MTUS2: variants seen among roughly 807,000 people sequenced by gnomAD.
The protein encoded by MTUS2 is microtubule associated scaffold protein 2, also known as microtubule-associated tumor suppressor candidate 2.
MTUS2 carries 40 observed loss-of-function variants against 114.1 expected under a neutral mutation model. That is an observed-to-expected ratio of 0.35 (90% confidence interval 0.27 to 0.46). MTUS2 has a LOEUF of 0.46. Among genes scored for constraint, MTUS2 ranks in the 20% least tolerant of loss-of-function variants. MTUS2 has a pLI of 1.00. For missense variants in MTUS2, 1,679 were observed against 1,705.4 expected (o/e 0.98, Z 0.27); for synonymous variants, 688 against 672.0 (o/e 1.02, Z -0.37).
chr13:28,833,143 T>C (rs1035670526), intron 1 of MTUS2, among the ~76,000 whole-genome samples: 11 of 152,246 alleles, frequency 7.2e-5, no homozygotes, highest in African/African-American at 2.4e-4. Context: ...CAAATGTTTA[T>C]TTAAAGAATT....
At chr13:28,851,507 G>T (rs1400797809) in intron 2 of MTUS2, among the ~76,000 whole-genome samples, 1 of 152,208 alleles carries the variant, frequency 6.6e-6, no homozygotes, top group Non-Finnish European at 1.5e-5. Context: ...GCACTATGCA[G>T]ATGTCAGAGA....
intron 7 of MTUS2, among the ~76,000 whole-genome samples, chr13:29,357,790 G>A (rs976271878): frequency 1.3e-5 from 2 of 152,188 alleles, no homozygotes; most frequent in Non-Finnish European, 2.9e-5. Flanking sequence ...AATAATTTAC[G>A]ATATGCCATA....
chr13:29,395,466 C>G (rs1243861790), intron 8 of MTUS2, among the ~76,000 whole-genome samples: 1 of 152,168 alleles, frequency 6.6e-6, no homozygotes, highest in Non-Finnish European at 1.5e-5. Flanking sequence ...GATTGTCAGT[C>G]TGCACAGTGA....
intron 2 of MTUS2, among the ~76,000 whole-genome samples, chr13:28,990,051 T>G (rs909451565): frequency 2.0e-5 from 3 of 152,036 alleles, no homozygotes; most frequent in East Asian, 1.9e-4. Flanking sequence ...CTGGGAGGTG[T>G]TGTGAACTGG....
chr13:28,936,739 G>T (rs1034730706), intron 2 of MTUS2, among the ~76,000 whole-genome samples: 6 of 152,176 alleles, frequency 3.9e-5, no homozygotes, highest in Non-Finnish European at 7.4e-5. Context: ...CAAAAGCCAA[G>T]AATTGATTGG....
At chr13:29,170,523 T>C (rs1308731568) in intron 5 of MTUS2, among the ~76,000 whole-genome samples, 1 of 152,232 alleles carries the variant, frequency 6.6e-6, no homozygotes, top group Non-Finnish European at 1.5e-5. Context: ...ATGAATATTT[T>C]AATCAGATGA....
At chr13:29,102,095 A>G (rs1390395179) in intron 5 of MTUS2, among the ~76,000 whole-genome samples, 1 of 152,214 alleles carries the variant, frequency 6.6e-6, no homozygotes, top group African/African-American at 2.4e-5. Flanking sequence ...TATCACTGTA[A>G]TTAGTGATTA....
intron 2 of MTUS2, among the ~76,000 whole-genome samples, chr13:28,868,300 A>C (rs1250909942): frequency 1.3e-5 from 2 of 152,084 alleles, no homozygotes; most frequent in Non-Finnish European, 2.9e-5. Context: ...TGGAACCTTT[A>C]TTTCTGCAGT....
intron 2 of MTUS2, among the ~76,000 whole-genome samples, chr13:28,942,154 A>G (rs1466720685): frequency 2.0e-5 from 3 of 152,192 alleles, no homozygotes; most frequent in African/African-American, 4.8e-5. Flanking sequence ...GTAACAAACA[A>G]TTCAATAGAA....
intron 9 of MTUS2, among the ~76,000 whole-genome samples, chr13:29,464,970 G>C (rs1385306468): frequency 6.6e-6 from 1 of 152,242 alleles, no homozygotes; most frequent in Non-Finnish European, 1.5e-5. Context: ...GGCAGTTAAA[G>C]GCATAGATTT....
intron 10 of MTUS2, among the ~76,000 whole-genome samples, chr13:29,485,509 C>T (rs1393849584): frequency 6.6e-6 from 1 of 152,182 alleles, no homozygotes; most frequent in Non-Finnish European, 1.5e-5. Flanking sequence ...CCATTAGTTT[C>T]CTTCCTAACA....
At chr13:29,143,575 T>A (rs1420717702) in intron 5 of MTUS2, among the ~76,000 whole-genome samples, 1 of 152,202 alleles carries the variant, frequency 6.6e-6, no homozygotes, top group Non-Finnish European at 1.5e-5. Flanking sequence ...AGAAATCAAG[T>A]TCTCATTTAG....
rs1882674085 is a variant in MTUS2, at chr13:28,948,942, G to A, written c.-242-75515G>A. Among the ~76,000 whole-genome samples, 9 of 152,166 alleles carry A rather than the reference G, an allele frequency of 5.9e-5. 1 individual carries two copies. The highest frequency in any genetic ancestry group is 5.9e-4 in the Admixed American group (9 of 15,272). ...CTTTGGACTTAAGGTTGTTCTGGGA[G>A]GGCTACCAATTTGTAAATCTCAGAA... is the stretch of plus-strand genomic sequence containing the variant. On this transcript the variant is annotated intron_variant, in intron 2 of 15. Transcript: ENST00000612955.
chr13:29,126,040 C>G (rs1383782243), intron 5 of MTUS2, among the ~76,000 whole-genome samples: 1 of 151,824 alleles, frequency 6.6e-6, no homozygotes, highest in African/African-American at 2.4e-5. Flanking sequence ...TGTTCACTGT[C>G]TTTAACAGAC....
At chr13:29,011,905 A>G (rs1885859889) in intron 2 of MTUS2, among the ~76,000 whole-genome samples, 3 of 152,218 alleles carry the variant, frequency 2.0e-5, no homozygotes, top group Non-Finnish European at 4.4e-5. Context: ...GACAGAAGAA[A>G]GGATATGAGC....
chr13:29,359,125 C>T, intron 7 of MTUS2, 137 bp from the exon 8 acceptor site: 1 of 841,892 alleles, frequency 1.2e-6, no homozygotes, highest in Non-Finnish European at 1.8e-6. Flanking sequence ...TTTTTCTTTT[C>T]AATCCTTAAA....
intron 2 of MTUS2, among the ~76,000 whole-genome samples, chr13:28,843,558 T>TGGTTATTG (rs1875653624): frequency 6.6e-6 from 1 of 152,180 alleles, no homozygotes; most frequent in South Asian, 2.1e-4. Context: ...TTTAGTATGT[T>TGGTTATTG]GGTTATTGGG....
intron 8 of MTUS2, among the ~76,000 whole-genome samples, chr13:29,379,526 C>T (rs1461970469): frequency 6.6e-6 from 1 of 152,124 alleles, no homozygotes; most frequent in Non-Finnish European, 1.5e-5. Context: ...GCACTGTGGC[C>T]GTGGTGTAAA....
intron 5 of MTUS2, among the ~76,000 whole-genome samples, chr13:29,154,776 A>G (rs930633261): frequency 6.6e-6 from 1 of 152,238 alleles, no homozygotes; most frequent in Admixed American, 6.5e-5. Flanking sequence ...TGTGTTAGCT[A>G]TGACACAGGG....
Sources: gnomAD v4.1 joint callset for allele counts (sites outside exome capture counted in the v4.1 genomes callset) on GRCh38, gnomAD v4.1.1 for gene constraint, MANE v1.5 for transcripts, NCBI Gene and HGNC (gene_info 2026-07-23, HGNC 2026-07-21) for gene names.